The following NPC1 variants were observed in gnomAD, a reference collection of about 807,000 sequenced individuals.
NPC1 encodes NPC intracellular cholesterol transporter 1.
A neutral mutation model predicts 140.4 loss-of-function variants in NPC1; 85 were observed. The ratio of observed to expected loss-of-function variants is 0.61; its 90% CI spans 0.51 to 0.72. The LOEUF (loss-of-function observed/expected upper bound fraction) is 0.72, where lower values mean the gene tolerates loss of function less well. Ranked by LOEUF, NPC1 falls within the 30% of genes least tolerant of loss-of-function variation. NPC1 has a pLI of 0.00. For synonymous variants in NPC1, 656 were observed against 624.8 expected, an observed-to-expected ratio of 1.05 and a Z score of -0.74; for missense variants, 1,504 against 1,623.8, an observed-to-expected ratio of 0.93 and a Z score of 1.27.
intron 22 of NPC1, among the ~76,000 whole-genome samples, chr18:23,535,033 C>T (rs2236707): frequency 0.36 from 54,248 of 151,880 alleles, 11,455 homozygotes; most frequent in Admixed American, 0.46. Flanking sequence ...GCTCCTGGGG[C>T]GGGGTGCAAT....
chr18:23,527,033 T>C (rs1355550500), downstream of NPC1, among the ~76,000 whole-genome samples: 1 of 152,066 alleles, frequency 6.6e-6, no homozygotes, highest in Non-Finnish European at 1.5e-5. Flanking sequence ...CCCCTGGCCT[T>C]CACACACACC....
chr18:23,519,180 A>G (rs2058083341), downstream of NPC1: 5 of 1,611,174 alleles, frequency 3.1e-6, no homozygotes, highest in South Asian at 1.1e-5. Context: ...CAGAGGTACA[A>G]GCTGTCTGCG....
chr18:23,516,206 T>C (rs549562190), intron 3 of NPC1: 140 of 1,384,870 alleles, frequency 1.0e-4, no homozygotes, highest in Non-Finnish European at 1.4e-4. Context: ...TGGGGGACGG[T>C]GGAAAGGATC....
At position 23,531,547 on chromosome 18, in the gene NPC1, A is replaced by G. The variant is rs1028425824; in HGVS notation, c.*655T>C. 2 of 1,570,970 alleles carry G rather than the reference A, an allele frequency of 1.3e-6. No individual in the cohort carries two copies. The highest frequency in any genetic ancestry group is 1.4e-5 in the African/African-American group (1 of 72,690). On this transcript the variant is annotated 3_prime_UTR_variant, in exon 25 of 25. Coordinates refer to ENST00000269228, the MANE Select transcript of NPC1 (RefSeq NM_000271.5). ...AAAGAAAAATAAGTTAAAACCCAGT[A>G]GACACACCTACGAGATGCTTTCTTT... is the stretch of plus-strand genomic sequence containing the variant.
chr18:23,585,552 G>T (rs2145600602), intron 1 of NPC1, among the ~76,000 whole-genome samples: 1 of 152,292 alleles, frequency 6.6e-6, no homozygotes, highest in Middle Eastern at 3.4e-3. Flanking sequence ...GAGTCACAGC[G>T]TGACACTGCC....
In NPC1 at chr18:23,586,303, A is replaced by T; in HGVS notation, c.41T>A (p.Leu14Gln). The T allele has an allele frequency of 6.5e-7, 1 of 1,533,958 alleles. No individual in the cohort carries two copies. The highest frequency in any genetic ancestry group is 8.7e-7 in the Non-Finnish European group (1 of 1,146,254). The change falls in exon 1 of 25, where the codon CTA becomes CAA. Residue 14 changes from leucine (L) to glutamine (Q), a missense_variant. Leu to Gln is a moderately radical substitution (Grantham distance 113). Coordinates refer to ENST00000269228, the MANE Select transcript of NPC1 (RefSeq NM_000271.5). ...RGLALGLLLLLLCPAQVFSQS... is the reference protein window; with the variant it reads ...RGLALGLLLLQLCPAQVFSQS... ...ACCGCTCACCTGCGCTGGACACAGT[A>T]GCAGCAGGAGGAGGCCAAGGGCCAG... is the stretch of plus-strand genomic sequence containing the variant.
chr18:23,512,599 C>CTT (rs761104196), intron 3 of NPC1, among the ~76,000 whole-genome samples: 6 of 141,886 alleles, frequency 4.2e-5, no homozygotes, highest in Non-Finnish European at 7.8e-5. Context: ...TTTTTTTTTC[C>CTT]TTTTTTTTTT....
chr18:23,511,891 A>G (rs1165385679), intron 3 of NPC1, among the ~76,000 whole-genome samples: 1 of 152,152 alleles, frequency 6.6e-6, no homozygotes, highest in Non-Finnish European at 1.5e-5. Context: ...CTGAACCAGT[A>G]TCGCCAAATT....
At chr18:23,516,128 C>A in intron 3 of NPC1, 1 of 1,401,960 alleles carries the variant, frequency 7.1e-7, no homozygotes, top group Non-Finnish European at 9.9e-7. Context: ...CACTAGAGGG[C>A]ACTCTGTATA....
Position 23,535,455 on chromosome 18 carries a change from G to T in NPC1, c.3477+14C>A. 1 of 1,572,940 alleles carries T rather than the reference G, an allele frequency of 6.4e-7. No individual in the cohort carries two copies. The highest frequency in any genetic ancestry group is 8.7e-7 in the Non-Finnish European group (1 of 1,145,954). On this transcript the variant is annotated intron_variant, in intron 22 of 24. Coordinates refer to ENST00000269228, the MANE Select transcript of NPC1 (RefSeq NM_000271.5). Reference sequence around the variant, plus strand: ...CAGGAGCTAGGGACAAACTGAGACTGTATGAGGACTCACCATCACCAGGTT... The same window carrying T: ...CAGGAGCTAGGGACAAACTGAGACTTTATGAGGACTCACCATCACCAGGTT...
At chr18:23,530,199 A>C (rs1468028356), downstream of NPC1, 1 of 1,614,058 alleles carries the variant, frequency 6.2e-7, no homozygotes, top group Admixed American at 1.7e-5. Context: ...TTATCTTTCC[A>C]ACTGAAGTGG....
chr18:23,563,300 G>A (rs2059071373), intron 4 of NPC1, among the ~76,000 whole-genome samples: 1 of 152,188 alleles, frequency 6.6e-6, no homozygotes, highest in Non-Finnish European at 1.5e-5. Context: ...TGTTTCCACA[G>A]TTTGGCTATT....
At chr18:23,560,781 C>G (rs897939756) in intron 5 of NPC1, among the ~76,000 whole-genome samples, 1 of 152,184 alleles carries the variant, frequency 6.6e-6, no homozygotes, top group East Asian at 1.9e-4. Flanking sequence ...AATACTATAG[C>G]AGAGCTCTAG....
At chr18:23,584,028 A>G (rs2059386472) in intron 1 of NPC1, among the ~76,000 whole-genome samples, 2 of 152,246 alleles carry the variant, frequency 1.3e-5, no homozygotes, top group South Asian at 2.1e-4. Context: ...CAAGTCCCTC[A>G]AGATAAAGCT....
At chr18:23,524,311 A>G, downstream of NPC1, 3 of 1,486,286 alleles carry the variant, frequency 2.0e-6, no homozygotes, top group Non-Finnish European at 1.9e-6. Flanking sequence ...CTGACTGTCC[A>G]GGGGCCTCGC....
chr18:23,530,489 A>G, downstream of NPC1: 2 of 1,614,260 alleles, frequency 1.2e-6, no homozygotes, highest in East Asian at 2.2e-5. Flanking sequence ...CCATGACAAC[A>G]TTTCTGCACG....
Position 23,531,723 on chromosome 18 carries a change from T to A in NPC1, c.*479A>T, listed in dbSNP as rs188306490. The A allele has an allele frequency of 1.1e-5, 17 of 1,599,012 alleles. No individual in the cohort carries two copies. The highest frequency in any genetic ancestry group is 8.0e-5 in the South Asian group (7 of 87,058). On this transcript the variant is annotated 3_prime_UTR_variant, in exon 25 of 25. Coordinates refer to ENST00000269228, the MANE Select transcript of NPC1 (RefSeq NM_000271.5). ...ATTCTGAAATCACTTGCTGTTTTTTTATATAAAAATGTGTACAAAGTTAAT... is the reference window on the plus strand; with the variant it reads ...ATTCTGAAATCACTTGCTGTTTTTTAATATAAAAATGTGTACAAAGTTAAT...
At chr18:23,581,392 G>C (rs961229255) in intron 1 of NPC1, among the ~76,000 whole-genome samples, 3 of 152,152 alleles carry the variant, frequency 2.0e-5, no homozygotes, top group Non-Finnish European at 4.4e-5. Context: ...CAATAATCTA[G>C]CCTTGAATTT....
downstream of NPC1, among the ~76,000 whole-genome samples, chr18:23,520,526 C>T (rs2058116172): frequency 6.6e-6 from 1 of 152,248 alleles, no homozygotes; most frequent in Non-Finnish European, 1.5e-5. Flanking sequence ...GTGTCGTGAT[C>T]TTGGCTCACT....
Sources: allele counts gnomAD v4.1 joint callset (sites outside exome capture counted in the v4.1 genomes callset), GRCh38; gene constraint gnomAD v4.1.1; transcripts MANE v1.5; gene names NCBI Gene and HGNC (gene_info 2026-07-23, HGNC 2026-07-21).